The following MAF variants were observed in gnomAD, a reference collection of about 807,000 sequenced individuals.
MAF encodes MAF bZIP transcription factor.
In MAF, 10 loss-of-function variants were observed where a neutral mutation model predicts 22.0. That is an observed-to-expected ratio of 0.45 (90% CI 0.28 to 0.77). MAF has a LOEUF of 0.77. MAF is among the 30% of genes least tolerant of loss of function. The probability of loss-of-function intolerance (pLI) is 0.12; values close to 1 mark genes in which losing one functional copy is unlikely to be tolerated. For synonymous variants in MAF, 337 were observed against 255.8 expected (o/e 1.32, Z -3.03); for missense variants, 544 against 548.4 (o/e 0.99, Z 0.08).
chr16:79,572,796 A>T, the MAF span, among the ~76,000 whole-genome samples: 2 of 152,174 alleles, frequency 1.3e-5, no homozygotes, highest in African/African-American at 4.8e-5. Context: ...ACACATAAAC[A>T]CACTGTTTAT....
At chr16:79,435,328 A>G in the MAF span, among the ~76,000 whole-genome samples, 1 of 152,292 alleles carries the variant, frequency 6.6e-6, no homozygotes, top group East Asian at 1.9e-4. Context: ...CTTCTTTGAA[A>G]TCTTCCTGTA....
chr16:79,382,200 T>A, the MAF span, among the ~76,000 whole-genome samples: 1 of 152,188 alleles, frequency 6.6e-6, no homozygotes, highest in Admixed American at 6.5e-5. Flanking sequence ...TAGACACAAC[T>A]CAATCATTTT....
At chr16:79,228,926 C>T in the MAF span, among the ~76,000 whole-genome samples, 2 of 151,820 alleles carry the variant, frequency 1.3e-5, no homozygotes, top group African/African-American at 4.8e-5. Context: ...CAGCCTGCAC[C>T]AGTCTGAGAC....
At chr16:79,488,968 G>T in the MAF span, among the ~76,000 whole-genome samples, 1 of 152,152 alleles carries the variant, frequency 6.6e-6, no homozygotes, top group Admixed American at 6.5e-5. Context: ...GGCCTTTCAG[G>T]GCAGAGAACA....
chr16:79,561,577 T>C, the MAF span, among the ~76,000 whole-genome samples: 1 of 152,028 alleles, frequency 6.6e-6, no homozygotes, highest in Non-Finnish European at 1.5e-5. Context: ...TTTGGTTTTT[T>C]GTCCTTGCGA....
chr16:79,480,850 T>A, the MAF span, among the ~76,000 whole-genome samples: 1 of 152,166 alleles, frequency 6.6e-6, no homozygotes, highest in East Asian at 1.9e-4. Context: ...TTTCCCAACA[T>A]CTGTTTGGAT....
At chr16:79,367,593 G>T in the MAF span, among the ~76,000 whole-genome samples, 1 of 152,218 alleles carries the variant, frequency 6.6e-6, no homozygotes, top group Non-Finnish European at 1.5e-5. Context: ...GCAACTCTCT[G>T]CAGTGATGGA....
the MAF span, among the ~76,000 whole-genome samples, chr16:79,374,945 G>C: frequency 3.9e-5 from 6 of 152,166 alleles, no homozygotes; most frequent in African/African-American, 1.4e-4. Context: ...TTTCATGTGT[G>C]CATATGTGTT....
the MAF span, among the ~76,000 whole-genome samples, chr16:79,428,194 T>C: frequency 6.8e-6 from 1 of 147,280 alleles, no homozygotes; most frequent in Non-Finnish European, 1.5e-5. Context: ...ATAGATGGAG[T>C]GTCTTTCAGC....
downstream of MAF, among the ~76,000 whole-genome samples, chr16:79,591,058 T>G (rs969701591): frequency 6.6e-6 from 1 of 152,184 alleles, no homozygotes; most frequent in Non-Finnish European, 1.5e-5. Flanking sequence ...TGTTGGGGAT[T>G]CTGGAAGGAG....
chr16:79,589,081 G>T (rs185860368), downstream of MAF, among the ~76,000 whole-genome samples: 1 of 152,218 alleles, frequency 6.6e-6, no homozygotes, highest in African/African-American at 2.4e-5. Flanking sequence ...CTAAGAGAGA[G>T]GGAGAGAGTA....
chr16:79,577,870 C>T, the MAF span, among the ~76,000 whole-genome samples: 16 of 152,198 alleles, frequency 1.1e-4, no homozygotes, highest in Middle Eastern at 6.8e-3. Flanking sequence ...TTAAAACTTC[C>T]ATCGACCCCT....
the MAF span, among the ~76,000 whole-genome samples, chr16:79,302,983 G>A: frequency 6.6e-6 from 1 of 152,188 alleles, no homozygotes; most frequent in South Asian, 2.1e-4. Flanking sequence ...CATTTTACTC[G>A]GCACTCCGGA....
At chr16:79,234,730 C>G in the MAF span, among the ~76,000 whole-genome samples, 1 of 152,096 alleles carries the variant, frequency 6.6e-6, no homozygotes, top group East Asian at 1.9e-4. Context: ...TTAGCTGATA[C>G]CACCCCCAGC....
chr16:79,473,724 A>G, the MAF span, among the ~76,000 whole-genome samples: 1 of 152,188 alleles, frequency 6.6e-6, no homozygotes, highest in Non-Finnish European at 1.5e-5. Context: ...CCAGACAGAC[A>G]ATAAAAATAA....
At chr16:79,367,051 G>A in the MAF span, among the ~76,000 whole-genome samples, 64 of 152,172 alleles carry the variant, frequency 4.2e-4, no homozygotes, top group South Asian at 0.011. Flanking sequence ...TTTGTGTGAC[G>A]AAGAATAATT....
At chr16:79,426,063 G>A in the MAF span, among the ~76,000 whole-genome samples, 1 of 152,128 alleles carries the variant, frequency 6.6e-6, no homozygotes. Flanking sequence ...AAAATTAGCT[G>A]GGCATGGTGG....
At chr16:79,204,172 A>G in the MAF span, 6 of 152,288 alleles carry the variant, frequency 3.9e-5, no homozygotes, top group African/African-American at 1.4e-4. Context: ...CTATTCATAA[A>G]GAAACTGTAC....
the MAF span, among the ~76,000 whole-genome samples, chr16:79,436,729 G>C: frequency 2.2e-3 from 330 of 152,256 alleles, 2 homozygotes; most frequent in African/African-American, 7.6e-3. Context: ...CTTTATATTT[G>C]TCGGTTTCAC....
Sources: allele counts gnomAD v4.1 joint callset (sites outside exome capture counted in the v4.1 genomes callset), GRCh38; gene constraint gnomAD v4.1.1; transcripts MANE v1.5; gene names NCBI Gene and HGNC (gene_info 2026-07-23, HGNC 2026-07-21).